Variants in RGS7 observed in about 807,000 individuals in gnomAD.
RGS7 encodes the protein regulator of G-protein signaling 7.
RGS7 carries 27 observed loss-of-function variants against 81.1 expected under a neutral mutation model. The observed-to-expected ratio is 0.33, with a 90% CI of 0.25 to 0.46. RGS7 has a LOEUF of 0.46. Among genes scored for constraint, RGS7 ranks in the 20% least tolerant of loss-of-function variants. The pLI is 1.00. For synonymous variants in RGS7, 208 were observed against 207.7 expected (o/e 1.00, Z -0.01); for missense variants, 396 against 607.4 (o/e 0.65, Z 3.66).
intron 2 of RGS7, among the ~76,000 whole-genome samples, chr1:241,101,261 C>G (rs1019994576): frequency 6.6e-6 from 1 of 152,016 alleles, no homozygotes; most frequent in African/African-American, 2.4e-5. Context: ...TTTGGGAGAC[C>G]AAGGCAGGCA....
chr1:241,087,358 A>T (rs1307621914), intron 3 of RGS7, among the ~76,000 whole-genome samples: 1 of 152,218 alleles, frequency 6.6e-6, no homozygotes, highest in Non-Finnish European at 1.5e-5. Context: ...TCTTTTTAAA[A>T]ATGCAAATAA....
At chr1:240,802,209 T>C (rs902726899) in intron 16 of RGS7, among the ~76,000 whole-genome samples, 1 of 152,184 alleles carries the variant, frequency 6.6e-6, no homozygotes, top group African/African-American at 2.4e-5. Flanking sequence ...AGCTATGAAC[T>C]ATTTTAACAT....
chr1:241,192,159 G>GGTAGGTGTGT (rs1432006795), intron 2 of RGS7, among the ~76,000 whole-genome samples: 1 of 121,934 alleles, frequency 8.2e-6, no homozygotes, highest in African/African-American at 3.4e-5. Flanking sequence ...AGAGAAAACA[G>GGTAGGTGTGT]GTGTGTGTGT....
intron 2 of RGS7, among the ~76,000 whole-genome samples, chr1:241,235,902 T>C (rs575942175): frequency 2.5e-3 from 139 of 56,022 alleles, no homozygotes; most frequent in Non-Finnish European, 4.1e-3. Context: ...CCCTAGGAGA[T>C]GCACTTTGAG....
chr1:240,845,208 G>A (rs893775486), intron 9 of RGS7, among the ~76,000 whole-genome samples: 4 of 152,118 alleles, frequency 2.6e-5, no homozygotes, highest in Admixed American at 2.6e-4. Flanking sequence ...ATTTATACCT[G>A]TTGCATTTAC....
chr1:241,230,698 A>G (rs1202382474), intron 2 of RGS7, among the ~76,000 whole-genome samples: 1 of 146,782 alleles, frequency 6.8e-6, no homozygotes, highest in Non-Finnish European at 1.5e-5. Context: ...AAGAGAGGAC[A>G]GGAAGAAGGC....
At chr1:241,348,694 C>T (rs2083054976) in intron 2 of RGS7, among the ~76,000 whole-genome samples, 1 of 152,150 alleles carries the variant, frequency 6.6e-6, no homozygotes, top group South Asian at 2.1e-4. Context: ...ATATAGTTTG[C>T]ATAATACCCA....
At chr1:240,959,188 A>T (rs760101509) in intron 4 of RGS7, among the ~76,000 whole-genome samples, 4 of 152,260 alleles carry the variant, frequency 2.6e-5, no homozygotes, top group Admixed American at 6.5e-5. Flanking sequence ...TGACTGCTGA[A>T]TTAAAAGAAT....
chr1:241,306,004 A>C lies in RGS7; in HGVS notation c.78+49695T>G, dbSNP rs1312859824. The C allele has an allele frequency of 1.9e-5, 3 of 154,276 alleles. No individual in the cohort carries two copies. In the East Asian group the frequency reaches 5.7e-4, roughly 29 times the overall value. 9.6% of individuals were successfully genotyped at this position (154,276 alleles called of 1,614,324 possible). On this transcript the variant is annotated intron_variant, in intron 2 of 18. Coordinates refer to ENST00000440928, the MANE Select transcript of RGS7 (RefSeq NM_001364886.1). ...AAGTAGAGAGTAGCCAGTAGACATG[A>C]ATTTGGAAAGGTTTATGGGGGCTGA... is the stretch of plus-strand genomic sequence containing the variant.
At chr1:240,849,988 T>C (rs1015257195) in intron 9 of RGS7, among the ~76,000 whole-genome samples, 1 of 152,200 alleles carries the variant, frequency 6.6e-6, no homozygotes, top group African/African-American at 2.4e-5. Context: ...GAAGGTGTTG[T>C]GATAAAGAGT....
intron 2 of RGS7, among the ~76,000 whole-genome samples, chr1:241,104,894 AGAG>A (rs1333395868): frequency 6.6e-6 from 1 of 151,926 alleles, no homozygotes; most frequent in African/African-American, 2.4e-5. Flanking sequence ...CACTTTAAAA[AGAG>A]AAGAGGGGAT....
At chr1:241,233,356 C>T (rs775568069) in intron 2 of RGS7, among the ~76,000 whole-genome samples, 6 of 152,120 alleles carry the variant, frequency 3.9e-5, no homozygotes, top group Non-Finnish European at 4.4e-5. Flanking sequence ...GTATCTGTAC[C>T]CATTAATCAA....
chr1:240,991,826 T>C (rs749183829), intron 3 of RGS7, among the ~76,000 whole-genome samples: 4 of 152,190 alleles, frequency 2.6e-5, no homozygotes, highest in Non-Finnish European at 4.4e-5. Context: ...TTCCATATGC[T>C]AGCTGGTAGG....
intron 11 of RGS7, 81 bp from the exon 12 acceptor site, chr1:240,814,858 A>G: frequency 2.3e-6 from 2 of 878,304 alleles, no homozygotes; most frequent in Non-Finnish European, 2.0e-6. Context: ...TCAGCTGGGC[A>G]ATTCTGAACA....
chr1:241,019,033 C>T (rs1400488812), intron 3 of RGS7, among the ~76,000 whole-genome samples: 2 of 152,092 alleles, frequency 1.3e-5, no homozygotes. Flanking sequence ...GGATTTTTCT[C>T]AGAGCCTAAC....
intron 3 of RGS7, among the ~76,000 whole-genome samples, chr1:241,047,044 A>G (rs755253310): frequency 6.6e-6 from 1 of 152,180 alleles, no homozygotes; most frequent in Admixed American, 6.5e-5. Context: ...CTGAGAGATC[A>G]GTCTCAGATC....
intron 2 of RGS7, among the ~76,000 whole-genome samples, chr1:241,129,749 G>A (rs183212619): frequency 3.8e-3 from 578 of 152,070 alleles, no homozygotes; most frequent in African/African-American, 0.013. Context: ...TATAGGGTGG[G>A]GCCCACGAGT....
intron 4 of RGS7, among the ~76,000 whole-genome samples, chr1:240,943,652 T>C (rs1196735909): frequency 1.3e-5 from 2 of 152,192 alleles, no homozygotes; most frequent in Non-Finnish European, 2.9e-5. Flanking sequence ...TATGCCTATG[T>C]TTTTCCCTAC....
At chr1:240,782,451 C>T (rs1684284369) in intron 18 of RGS7, among the ~76,000 whole-genome samples, 2 of 152,160 alleles carry the variant, frequency 1.3e-5, no homozygotes, top group Admixed American at 6.5e-5. Context: ...GAGACAGGGT[C>T]TTGCTCTATC....
Sources: allele counts gnomAD v4.1 joint callset (sites outside exome capture counted in the v4.1 genomes callset), GRCh38; gene constraint gnomAD v4.1.1; transcripts MANE v1.5; gene names NCBI Gene and HGNC (gene_info 2026-07-23, HGNC 2026-07-21).